Variants in PTPN9 observed in about 807,000 individuals in gnomAD.
PTPN9 encodes tyrosine-protein phosphatase non-receptor type 9.
Under a neutral mutation model 69.8 loss-of-function variants are expected in PTPN9, and 26 were observed. The ratio of observed to expected loss-of-function variants is 0.37; its 90% confidence interval spans 0.27 to 0.52. The LOEUF (loss-of-function observed/expected upper bound fraction) is 0.52. PTPN9 is among the 20% of genes least tolerant of loss of function. PTPN9 has a pLI of 0.91. For synonymous variants in PTPN9, 274 were observed against 272.5 expected (o/e 1.01, Z -0.05); for missense variants, 549 against 740.3 (o/e 0.74, Z 3.00).
At chr15:75,487,927 T>C (rs769810083) in intron 8 of PTPN9, 1 of 152,240 alleles carries the variant, frequency 6.6e-6, no homozygotes, top group Non-Finnish European at 1.5e-5. Flanking sequence ...ATGTGTGTCA[T>C]GTTAAAGAGG....
At chr15:75,524,777 CAA>C (rs10699634) in intron 2 of PTPN9, among the ~76,000 whole-genome samples, 2 of 72,938 alleles carry the variant, frequency 2.7e-5, no homozygotes, top group African/African-American at 7.0e-5. Context: ...GACTCTGTCT[CAA>C]AAAAAAAAAA....
chr15:75,519,605 C>A (rs2074892047), intron 4 of PTPN9, among the ~76,000 whole-genome samples: 1 of 151,794 alleles, frequency 6.6e-6, no homozygotes, highest in South Asian at 2.1e-4. Flanking sequence ...AGTGTTAAAT[C>A]TTTACTCCTT....
intron 5 of PTPN9, among the ~76,000 whole-genome samples, chr15:75,516,858 C>A (rs1031455280): frequency 2.0e-5 from 3 of 151,524 alleles, no homozygotes; most frequent in Admixed American, 6.6e-5. Context: ...GATTCTCCTG[C>A]CTCAGCCTCC....
intron 1 of PTPN9, among the ~76,000 whole-genome samples, chr15:75,558,728 G>A (rs1425992181): frequency 2.6e-5 from 4 of 152,164 alleles, no homozygotes; most frequent in African/African-American, 7.2e-5. Flanking sequence ...ACGGGGTTTC[G>A]CTGTGTTGGC....
At chr15:75,578,095 G>T (rs2141349136) in intron 1 of PTPN9, among the ~76,000 whole-genome samples, 1 of 152,322 alleles carries the variant, frequency 6.6e-6, no homozygotes, top group African/African-American at 2.4e-5. Context: ...AGGGAAGCGC[G>T]GGTGAGGAGA....
At chr15:75,547,102 C>A (rs1487757350) in intron 1 of PTPN9, among the ~76,000 whole-genome samples, 2 of 151,076 alleles carry the variant, frequency 1.3e-5, no homozygotes, top group Non-Finnish European at 3.0e-5. Context: ...TTGAAACCAG[C>A]TGGCCAAATG....
intron 1 of PTPN9, among the ~76,000 whole-genome samples, chr15:75,542,993 TC>T (rs970105889): frequency 1.1e-5 from 1 of 94,742 alleles, no homozygotes; most frequent in African/African-American, 4.2e-5. Flanking sequence ...ATGCTATCCC[TC>T]CCCCCTCCCC....
chr15:75,485,354 CTTTTTTTTTTTTT>C (rs891447336), intron 8 of PTPN9, among the ~76,000 whole-genome samples: 178 of 78,774 alleles, frequency 2.3e-3, no homozygotes, highest in Middle Eastern at 0.011. Flanking sequence ...ATTGTCACTT[CTTTTTTTTTTTTT>C]TTTTTTTTTT....
At position 75,465,027 on chromosome 15, in the gene PTPN9, A is replaced by T. The variant is rs757031910; in HGVS notation, c.*3742T>A. 6.6e-6 allele frequency: 1 copy of T among 152,218 alleles called. No homozygotes were observed. Among genetic ancestry groups the T allele is most frequent in the African/African-American group, 2.4e-5 (1 of 41,470 alleles). 9.4% of individuals were successfully genotyped at this position (152,218 alleles called of 1,614,324 possible). A position where few individuals can be genotyped will look rare whatever the true frequency, so the allele number is the denominator to read the frequency against. On this transcript the variant is annotated 3_prime_UTR_variant, in exon 13 of 13. Coordinates refer to ENST00000618819, the MANE Select transcript of PTPN9 (RefSeq NM_002833.4). ...GGGAATGTTAGAGAAAGGTGAAACA[A>T]ACAGCCATCAAATCAGAAGCAGAAG... is the stretch of plus-strand genomic sequence containing the variant.
At chr15:75,569,274 T>C (rs754309570) in intron 1 of PTPN9, among the ~76,000 whole-genome samples, 8 of 152,118 alleles carry the variant, frequency 5.3e-5, no homozygotes, top group Admixed American at 5.2e-4. Context: ...TGCCGTAAAA[T>C]GGGGCTTAAT....
At chr15:75,497,550 C>T (rs1202208058) in intron 7 of PTPN9, among the ~76,000 whole-genome samples, 1 of 152,058 alleles carries the variant, frequency 6.6e-6, no homozygotes, top group Non-Finnish European at 1.5e-5. Flanking sequence ...CCTGTAATTC[C>T]AGCACTTTAG....
intron 1 of PTPN9, among the ~76,000 whole-genome samples, chr15:75,532,089 CATCT>C (rs1422213091): frequency 6.6e-6 from 1 of 152,060 alleles, no homozygotes; most frequent in Non-Finnish European, 1.5e-5. Flanking sequence ...ATCACATATC[CATCT>C]GTTAAGATAA....
intron 1 of PTPN9, among the ~76,000 whole-genome samples, chr15:75,534,163 G>A (rs963640608): frequency 2.0e-5 from 3 of 152,136 alleles, no homozygotes; most frequent in East Asian, 1.9e-4. Context: ...AATGAGAAAC[G>A]GATGGAAGAG....
intron 1 of PTPN9, among the ~76,000 whole-genome samples, chr15:75,574,321 A>G (rs892833586): frequency 6.6e-5 from 10 of 151,608 alleles, no homozygotes; most frequent in Non-Finnish European, 1.2e-4. Flanking sequence ...AGAAGCCACT[A>G]AAGAGTTTTA....
In PTPN9 at chr15:75,464,289, GAGAGAA is replaced by G; in HGVS notation, c.*4474_*4479del. 1 of 150,412 alleles carries G rather than the reference GAGAGAA, an allele frequency of 6.6e-6. No individual in the cohort carries two copies. The highest frequency in any genetic ancestry group is 1.5e-5 in the Non-Finnish European group (1 of 67,826). The allele number at this position is 150,412 out of a possible 1,614,324, so 9.3% of individuals were successfully genotyped here. The stretch of plus-strand genomic sequence containing the variant: ...GTGAGATCCTGTCTCTAGAGAGAGA[GAGAGAA>G]AAAAAAAAAAAGCTGGGTTCCTGCT... On this transcript the variant is annotated 3_prime_UTR_variant, in exon 13 of 13. Transcript: ENST00000618819.
chr15:75,564,101 T>C (rs1056160528), intron 1 of PTPN9, among the ~76,000 whole-genome samples: 2 of 151,168 alleles, frequency 1.3e-5, no homozygotes, highest in Non-Finnish European at 2.9e-5. Flanking sequence ...TTAATAGAGA[T>C]AAGGTCTCAC....
intron 7 of PTPN9, among the ~76,000 whole-genome samples, chr15:75,504,668 C>T (rs1171796678): frequency 7.0e-6 from 1 of 142,688 alleles, no homozygotes; most frequent in African/African-American, 2.6e-5. Context: ...CCCGGCCAGC[C>T]GCCCTGTCCG....
chr15:75,540,046 C>T (rs908225778), intron 1 of PTPN9, among the ~76,000 whole-genome samples: 1 of 152,144 alleles, frequency 6.6e-6, no homozygotes, highest in African/African-American at 2.4e-5. Flanking sequence ...TATAGAATTC[C>T]TTATGGCTAA....
chr15:75,547,194 C>G (rs985197484), intron 1 of PTPN9, among the ~76,000 whole-genome samples: 3 of 149,294 alleles, frequency 2.0e-5, no homozygotes, highest in African/African-American at 4.9e-5. Context: ...ACTAGGGAGG[C>G]TGAGGCAGGA....
Sources: gnomAD v4.1 joint callset for allele counts (sites outside exome capture counted in the v4.1 genomes callset) on GRCh38, gnomAD v4.1.1 for gene constraint, MANE v1.5 for transcripts, NCBI Gene and HGNC (gene_info 2026-07-23, HGNC 2026-07-21) for gene names.